Variants in CTSB observed in about 807,000 individuals in gnomAD.
CTSB encodes the protein cathepsin B.
Under a neutral mutation model 44.3 loss-of-function variants are expected in CTSB, and 57 were observed. That is an observed-to-expected ratio of 1.29 (90% CI 1.04 to 1.60). The LOEUF (loss-of-function observed/expected upper bound fraction) is 1.60, where lower values mean the gene tolerates loss of function less well. Ranked by LOEUF, CTSB falls within the 40% of genes most tolerant of loss-of-function variation. The pLI is 0.00. For synonymous variants in CTSB, 320 were observed against 168.0 expected, an observed-to-expected ratio of 1.91 and a Z score of -7.00; for missense variants, 768 against 443.0, an observed-to-expected ratio of 1.73 and a Z score of -6.59.
chr8:11,857,695 T>G lies in CTSB; in HGVS notation c.-25-4216A>C, dbSNP rs113188981. Among the ~76,000 whole-genome samples, 208 of 152,182 alleles carry G rather than the reference T, an allele frequency of 1.4e-3. 2 individuals are homozygous for G. Among genetic ancestry groups the G allele is most frequent in the African/African-American group, 4.4e-3 (183 of 41,518 alleles). On this transcript the variant is annotated intron_variant, in intron 1 of 9. Coordinates refer to ENST00000353047, the MANE Select transcript of CTSB (RefSeq NM_001908.5). ...CCTCGCCACTTCACTAGCAGGCGAC[T>G]TCCCTGCACCCGCCCTCCTTTTCAT...
Position 11,845,166 on chromosome 8 carries a change from C to G in CTSB, c.979G>C (p.Ala327Pro). Residue 327 changes from alanine (A) to proline (P), a missense_variant, in exon 10 of 10, where the codon GCT (alanine) becomes CCT (proline). Transcript: ENST00000353047. ...TACTGATCGGTGCGTGGAATTCCAGCCACCACTTCTGATTCGATTCCACAG... is the reference window on the plus strand; with the variant it reads ...TACTGATCGGTGCGTGGAATTCCAGGCACCACTTCTGATTCGATTCCACAG... ...DHCGIESEVVAGIPRTDQYWE... is the reference protein window; with the variant it reads ...DHCGIESEVVPGIPRTDQYWE... The G allele has an allele frequency of 1.9e-6, 3 of 1,614,098 alleles. No individual in the cohort carries two copies. The highest frequency in any genetic ancestry group is 2.5e-6 in the Non-Finnish European group (3 of 1,179,954).
rs1813275285 is a variant in CTSB, at chr8:11,846,091, GAC to G, written c.794-304_794-303del. 1.4e-5 allele frequency: 3 copies of G among 211,320 alleles called. No individual in the cohort carries two copies. In the Admixed American group the frequency reaches 1.8e-4, roughly 13 times the overall value. 13.1% of individuals were successfully genotyped at this position (211,320 alleles called of 1,614,324 possible). On this transcript the variant is annotated intron_variant, in intron 8 of 9. Coordinates refer to ENST00000353047, the MANE Select transcript of CTSB (RefSeq NM_001908.5). Reference sequence around the variant, plus strand: ...ATTGATAAAACATTTAATGCTAGATGACTGATTCATCTGTTCTTTATACTGGG... The same window carrying G: ...ATTGATAAAACATTTAATGCTAGATGTGATTCATCTGTTCTTTATACTGGG...
chr8:11,858,645 C>G (rs923538969), intron 1 of CTSB, among the ~76,000 whole-genome samples: 1 of 152,196 alleles, frequency 6.6e-6, no homozygotes, highest in African/African-American at 2.4e-5. Flanking sequence ...AATGCTTCCA[C>G]TCTTGAGGGT....
intron 1 of CTSB, among the ~76,000 whole-genome samples, chr8:11,861,894 G>C (rs938089492): frequency 2.0e-5 from 3 of 152,202 alleles, no homozygotes; most frequent in Non-Finnish European, 2.9e-5. Context: ...TGAGGCTGAC[G>C]CGAAGGCCAG....
intron 1 of CTSB, chr8:11,858,069 A>T (rs1390009087): frequency 1.3e-5 from 2 of 152,320 alleles, no homozygotes; most frequent in African/African-American, 4.8e-5. Context: ...CACCACCTAT[A>T]AAATGGAGCT....
At position 11,858,900 on chromosome 8, in the gene CTSB, C is replaced by T. The variant is rs114389027; in HGVS notation, c.-25-5421G>A. Among the ~76,000 whole-genome samples, 690 of 152,298 alleles carry T rather than the reference C, an allele frequency of 4.5e-3. 4 individuals carry two copies. The highest frequency in any genetic ancestry group is 0.016 in the African/African-American group (656 of 41,546). ...ATAGGCACCCACTTCCCTTTTATTT[C>T]TTAATTCTGTGCTTTCTGCTCTGCT... is the stretch of plus-strand genomic sequence containing the variant. On this transcript the variant is annotated intron_variant, in intron 1 of 9. Coordinates refer to ENST00000353047, the MANE Select transcript of CTSB (RefSeq NM_001908.5).
intron 3 of CTSB, 111 bp from the exon 4 acceptor site, chr8:11,851,091 A>C (rs1260657136): frequency 1.6e-6 from 1 of 618,734 alleles, no homozygotes; most frequent in Non-Finnish European, 2.9e-6. Flanking sequence ...AATGAGCACA[A>C]GACATGCCGA....
intron 1 of CTSB, among the ~76,000 whole-genome samples, chr8:11,866,125 T>A (rs1205952802): frequency 6.6e-6 from 1 of 151,708 alleles, no homozygotes; most frequent in African/African-American, 2.4e-5. Flanking sequence ...CACTTCCCAA[T>A]CCAACCAAGA....
At chr8:11,860,424 C>A (rs1036262124) in intron 1 of CTSB, among the ~76,000 whole-genome samples, 6 of 152,294 alleles carry the variant, frequency 3.9e-5, no homozygotes, top group African/African-American at 1.4e-4. Context: ...GAGTTCGAGA[C>A]CAGCCTGGCT....
rs766752431 is a variant in CTSB, at chr8:11,847,165, T to C, written c.680A>G (p.Tyr227Cys). 1.9e-6 allele frequency: 3 copies of C among 1,604,360 alleles called. No individual in the cohort carries two copies. The highest frequency in any genetic ancestry group is 4.5e-5 in the East Asian group (2 of 44,742). The change falls in exon 8 of 10, where the codon TAC (tyrosine) becomes TGC (cysteine). Residue 227 changes from tyrosine to cysteine, a missense_variant. Physicochemically the swap from Tyr to Cys is radical, Grantham distance 194. Transcript: ENST00000353047. ...GCTATTGGAGACGCTGTAGGAATTG[T>C]ATCCTGGAAAATGAACCGAGCTCGG... ...PTYKQDKHYGYNSYSVSNSEK... is the reference protein window; with the variant it reads ...PTYKQDKHYGCNSYSVSNSEK...
At chr8:11,860,034 T>C (rs1816167642) in intron 1 of CTSB, among the ~76,000 whole-genome samples, 1 of 151,546 alleles carries the variant, frequency 6.6e-6, no homozygotes, top group African/African-American at 2.4e-5. Context: ...ATCACACCAC[T>C]GCACTCCAGC....
chr8:11,860,353 T>C (rs562782287), intron 1 of CTSB, among the ~76,000 whole-genome samples: 120 of 152,268 alleles, frequency 7.9e-4, no homozygotes, highest in African/African-American at 2.6e-3. Context: ...CCGGGCACAG[T>C]GGCACACACC....
Position 11,852,624 on chromosome 8 carries a change from G to T in CTSB, c.198C>A (p.Pro66=). The T allele has an allele frequency of 1.2e-6, 2 of 1,613,408 alleles. No homozygotes were observed. Among genetic ancestry groups the T allele is most frequent in the Non-Finnish European group, 1.7e-6 (2 of 1,179,692 alleles). Residue 66 remains proline (P), a synonymous_variant, in exon 3 of 10, where the codon CCC becomes CCA. Transcript: ENST00000353047. The part of the protein sequence containing the change: ...KRLCGTFLGG[P]KPPQRVMFTE... The stretch of plus-strand genomic sequence containing the variant: ...CAGGCACTCACCTCTGGGGTGGCTT[G>T]GGCCCACCCAGGAAGGTACCACATA...
intron 8 of CTSB, chr8:11,846,066 A>C (rs1813267228): frequency 3.7e-6 from 1 of 270,236 alleles, no homozygotes; most frequent in Non-Finnish European, 6.9e-6. Context: ...ATACATTCTA[A>C]TTGATAAAAC....
intron 1 of CTSB, among the ~76,000 whole-genome samples, chr8:11,856,945 C>G (rs1815618669): frequency 6.6e-6 from 1 of 152,150 alleles, no homozygotes; most frequent in Admixed American, 6.5e-5. Flanking sequence ...CCCTGAGCCA[C>G]CAAACTGATA....
chr8:11,866,842 A>G (rs1817224213), intron 1 of CTSB, among the ~76,000 whole-genome samples: 1 of 152,226 alleles, frequency 6.6e-6, no homozygotes, highest in Admixed American at 6.5e-5. Context: ...CCTGAGAGAC[A>G]GAGCCAGCCA....
In CTSB at chr8:11,852,615, G is replaced by C. The variant is rs766983965; in HGVS notation, c.207C>G (p.Pro69=). Residue 69 remains proline, a synonymous_variant, in exon 3 of 10, where the codon CCC becomes CCG. Coordinates refer to ENST00000353047, the MANE Select transcript of CTSB (RefSeq NM_001908.5). ...GCAGAGGAGCAGGCACTCACCTCTGGGGTGGCTTGGGCCCACCCAGGAAGG... is the reference window on the plus strand; with the variant it reads ...GCAGAGGAGCAGGCACTCACCTCTGCGGTGGCTTGGGCCCACCCAGGAAGG... The part of the protein sequence containing the change: ...CGTFLGGPKP[P]QRVMFTEDLK... 1.2e-6 allele frequency: 2 copies of C among 1,613,154 alleles called. No individual in the cohort carries two copies. The highest frequency in any genetic ancestry group is 3.3e-4 in the Middle Eastern group (2 of 6,062).
chr8:11,867,534 A>G (rs1487327509), intron 1 of CTSB: 4 of 152,226 alleles, frequency 2.6e-5, no homozygotes, highest in Non-Finnish European at 5.9e-5. Context: ...ATCCTTCGCA[A>G]TGAGGGGGAA....
Position 11,843,417 on chromosome 8 carries a change from A to AG in CTSB, c.*1707dup, listed in dbSNP as rs1450843190. ...TAGCCTCATACCACTTCAGTTGGGA[A>AG]GGGGAGTACTGAGGTGTACCTTGGC... On this transcript the variant is annotated 3_prime_UTR_variant, in exon 10 of 10. Transcript: ENST00000353047. 1 of 152,210 alleles carries AG rather than the reference A, an allele frequency of 6.6e-6. No individual in the cohort carries two copies. The highest frequency in any genetic ancestry group is 2.4e-5 in the African/African-American group (1 of 41,440). 9.4% of individuals were successfully genotyped at this position (152,210 alleles called of 1,614,324 possible). A position where few individuals can be genotyped will look rare whatever the true frequency, so the allele number is the denominator to read the frequency against.
Sources: allele counts gnomAD v4.1 joint callset (sites outside exome capture counted in the v4.1 genomes callset), GRCh38; gene constraint gnomAD v4.1.1; transcripts MANE v1.5; gene names NCBI Gene and HGNC (gene_info 2026-07-23, HGNC 2026-07-21).